The following GIGYF2 variants were observed in gnomAD, a reference collection of about 807,000 sequenced individuals.
GIGYF2 encodes GRB10-interacting GYF protein 2.
In GIGYF2, 25 loss-of-function variants were observed where a neutral mutation model predicts 208.1. That is an observed-to-expected ratio of 0.12 (90% CI 0.09 to 0.17). The LOEUF (loss-of-function observed/expected upper bound fraction) is 0.17, where lower values mean the gene tolerates loss of function less well. Ranked by LOEUF, GIGYF2 falls within the 10% of genes least tolerant of loss-of-function variation. The probability of loss-of-function intolerance (pLI) is 1.00; values close to 1 mark genes in which losing one functional copy is unlikely to be tolerated. For synonymous variants in GIGYF2, 534 were observed against 543.8 expected (o/e 0.98, Z 0.25); for missense variants, 1,302 against 1,579.4 (o/e 0.82, Z 2.98).
chr2:232,749,654 T>G (rs567615920), intron 5 of GIGYF2, among the ~76,000 whole-genome samples: 9 of 152,308 alleles, frequency 5.9e-5, no homozygotes, highest in Admixed American at 5.9e-4. Flanking sequence ...AAGGAACTTA[T>G]GATAACTGTA....
At chr2:232,853,791 T>G (rs1168815579) in intron 28 of GIGYF2, among the ~76,000 whole-genome samples, 1 of 152,210 alleles carries the variant, frequency 6.6e-6, no homozygotes, top group East Asian at 1.9e-4. Context: ...TTGTGTTGCC[T>G]TGGGTTTCAC....
chr2:232,769,921 A>C, intron 8 of GIGYF2, among the ~76,000 whole-genome samples: 1 of 152,206 alleles, frequency 6.6e-6, no homozygotes, highest in South Asian at 2.1e-4. Context: ...CTGGTTTGAT[A>C]TGACAAAATA....
chr2:232,709,940 AT>A (rs1425097418), intron 2 of GIGYF2, among the ~76,000 whole-genome samples: 4 of 151,158 alleles, frequency 2.6e-5, no homozygotes, highest in Non-Finnish European at 5.9e-5. Flanking sequence ...GCTCCAGCTG[AT>A]TTTTACAAAG....
At chr2:232,768,197 T>G (rs1264995989) in intron 8 of GIGYF2, 1 of 1,614,084 alleles carries the variant, frequency 6.2e-7, no homozygotes. Flanking sequence ...AGTCTTATTC[T>G]GTCAGTCCTG....
At chr2:232,711,615 G>T (rs11684593) in intron 2 of GIGYF2, among the ~76,000 whole-genome samples, 12,630 of 149,480 alleles carry the variant, frequency 0.084, 753 homozygotes, top group Middle Eastern at 0.12. Flanking sequence ...TTTATAGAAG[G>T]CAACTGGGTT....
Position 232,714,018 on chromosome 2 carries a change from C to T in GIGYF2, c.-44+10529C>T, listed in dbSNP as rs545787421. 1.0e-3 allele frequency among the ~76,000 whole-genome samples: 150 copies of T among 150,340 alleles called. 1 individual carries two copies. Among genetic ancestry groups the T allele is most frequent in the Non-Finnish European group, 1.8e-3 (122 of 67,812 alleles). ...AGGCTGGAGTGTAGTGGTGCGATCT[C>T]GGCTCACTGCAAGCTACGCTTCCCG... On this transcript the variant is annotated intron_variant, in intron 2 of 28. Coordinates refer to ENST00000373563, the MANE Select transcript of GIGYF2 (RefSeq NM_001103146.3).
intron 8 of GIGYF2, among the ~76,000 whole-genome samples, chr2:232,784,195 C>T (rs1699819136): frequency 6.6e-6 from 1 of 152,170 alleles, no homozygotes; most frequent in South Asian, 2.1e-4. Flanking sequence ...ATAAATTATA[C>T]AGAAGTGCCC....
At chr2:232,714,036 G>A (rs972496490) in intron 2 of GIGYF2, among the ~76,000 whole-genome samples, 40 of 149,954 alleles carry the variant, frequency 2.7e-4, no homozygotes, top group Non-Finnish European at 3.0e-4. Flanking sequence ...TGCAAGCTAC[G>A]CTTCCCGGGT....
At chr2:232,754,727 T>C (rs947018077) in intron 5 of GIGYF2, among the ~76,000 whole-genome samples, 1 of 152,186 alleles carries the variant, frequency 6.6e-6, no homozygotes, top group Non-Finnish European at 1.5e-5. Context: ...AGTTAATATA[T>C]ATGTTTCAAT....
At position 232,836,175 on chromosome 2, in the gene GIGYF2, C is replaced by T. The variant is rs1301094710; in HGVS notation, c.2766+3082C>T. Among the ~76,000 whole-genome samples the T allele has an allele frequency of 2.7e-5, 4 of 146,980 alleles. 1 individual carries two copies. The East Asian group carries it at 8.0e-4, about 29-fold the overall frequency. ...GGTGCAGTGGCTCACGCCTATAATCCCAGCACTTTGGGAGGCCGAGGCTGG... is the reference window on the plus strand; with the variant it reads ...GGTGCAGTGGCTCACGCCTATAATCTCAGCACTTTGGGAGGCCGAGGCTGG... On this transcript the variant is annotated intron_variant, in intron 22 of 28. Coordinates refer to ENST00000373563, the MANE Select transcript of GIGYF2 (RefSeq NM_001103146.3).
chr2:232,766,010 G>A, intron 8 of GIGYF2: 1 of 471,024 alleles, frequency 2.1e-6, no homozygotes, highest in Non-Finnish European at 4.4e-6. Context: ...GAAAGGCAGA[G>A]CAGCCATTCC....
intron 8 of GIGYF2, among the ~76,000 whole-genome samples, chr2:232,781,325 T>C (rs1699716559): frequency 1.1e-5 from 1 of 92,450 alleles, no homozygotes; most frequent in Non-Finnish European, 2.3e-5. Context: ...CACACACAAC[T>C]TATAAAGATA....
chr2:232,708,542 C>G (rs1553604185), intron 2 of GIGYF2, among the ~76,000 whole-genome samples: 1 of 151,988 alleles, frequency 6.6e-6, no homozygotes, highest in Non-Finnish European at 1.5e-5. Context: ...TGGGTTTGAT[C>G]TTTTGTCACT....
intron 1 of GIGYF2, among the ~76,000 whole-genome samples, chr2:232,698,911 C>A (rs1574753153): frequency 6.6e-6 from 1 of 152,300 alleles, no homozygotes; most frequent in South Asian, 2.1e-4. Context: ...TTTGTTTATT[C>A]ATTCATACAT....
Position 232,815,680 on chromosome 2 carries a change from G to A in GIGYF2, c.2151G>A (p.Thr717=), listed in dbSNP as rs140105076. The part of the protein sequence containing the change: ...GSVWDLPLDT[T]TPGPALEQLQ... ...TATGGGATCTTCCTCTGGACACCAC[G>A]ACACCAGGCCCTGCCCTGGAACAGC... The change falls in exon 19 of 29, where the codon ACG becomes ACA. Residue 717 remains threonine (T), a synonymous_variant. Coordinates refer to ENST00000373563, the MANE Select transcript of GIGYF2 (RefSeq NM_001103146.3). 114 of 1,608,684 alleles carry A rather than the reference G, an allele frequency of 7.1e-5. No individual in the cohort carries two copies. Among genetic ancestry groups the A allele is most frequent in the Non-Finnish European group, 9.1e-5 (107 of 1,175,218 alleles).
At chr2:232,853,423 C>T (rs1467543513) in intron 28 of GIGYF2, among the ~76,000 whole-genome samples, 2 of 152,182 alleles carry the variant, frequency 1.3e-5, no homozygotes, top group African/African-American at 4.8e-5. Flanking sequence ...ACTACAGGTG[C>T]GTGCCACCAC....
chr2:232,815,902 C>G, intron 19 of GIGYF2, 165 bp downstream of exon 19: 1 of 595,276 alleles, frequency 1.7e-6, no homozygotes, highest in Non-Finnish European at 3.0e-6. Flanking sequence ...CTCTCTTCTC[C>G]CAAAAAAAAA....
chr2:232,748,343 C>T (rs368572401), intron 4 of GIGYF2, among the ~76,000 whole-genome samples: 2 of 152,124 alleles, frequency 1.3e-5, no homozygotes, highest in Admixed American at 6.5e-5. Context: ...AGTGCAGTGG[C>T]GTGATCTCAT....
intron 28 of GIGYF2, among the ~76,000 whole-genome samples, chr2:232,855,957 G>A (rs1485180999): frequency 6.6e-6 from 1 of 151,368 alleles, no homozygotes; most frequent in Non-Finnish European, 1.5e-5. Context: ...TTGAGACAGA[G>A]TCTCGCTCTG....
Sources: allele counts gnomAD v4.1 joint callset (sites outside exome capture counted in the v4.1 genomes callset), GRCh38; gene constraint gnomAD v4.1.1; transcripts MANE v1.5; gene names NCBI Gene and HGNC (gene_info 2026-07-23, HGNC 2026-07-21).